DLGAP2: variants seen among roughly 807,000 people sequenced by gnomAD.
DLGAP2 encodes disks large-associated protein 2.
Under a neutral mutation model 100.3 loss-of-function variants are expected in DLGAP2, and 26 were observed. The observed-to-expected ratio is 0.26, with a 90% CI of 0.19 to 0.36. The LOEUF is 0.36. Among genes scored for constraint, DLGAP2 ranks in the 10% least tolerant of loss-of-function variants. The pLI, the probability that DLGAP2 is intolerant of heterozygous loss-of-function variation, is 1.00. For missense variants in DLGAP2, 1,858 were observed against 1,453.2 expected (o/e 1.28, Z -4.53); for synonymous variants, 886 against 630.1 (o/e 1.41, Z -6.08).
intron 3 of DLGAP2, among the ~76,000 whole-genome samples, chr8:1,475,563 C>G (rs962869713): frequency 6.6e-5 from 10 of 152,154 alleles, no homozygotes; most frequent in Admixed American, 4.6e-4. Flanking sequence ...TGGGAGTAAA[C>G]GTCTTCCATA....
At chr8:1,270,629 C>G (rs1799562291) in intron 3 of DLGAP2, among the ~76,000 whole-genome samples, 1 of 152,050 alleles carries the variant, frequency 6.6e-6, no homozygotes, top group Non-Finnish European at 1.5e-5. Flanking sequence ...CTGACGTTCT[C>G]CCAGTAAAAT....
intron 8 of DLGAP2, among the ~76,000 whole-genome samples, chr8:1,661,548 G>C (rs1358704145): frequency 1.3e-5 from 2 of 152,224 alleles, no homozygotes; most frequent in African/African-American, 2.4e-5. Flanking sequence ...GGTTTATATA[G>C]CAGGGAAGAA....
At chr8:1,421,446 T>C (rs946219685) in intron 3 of DLGAP2, among the ~76,000 whole-genome samples, 4 of 152,316 alleles carry the variant, frequency 2.6e-5, no homozygotes, top group African/African-American at 9.6e-5. Context: ...GGAATTAATA[T>C]ACAGGCCAAC....
At chr8:1,239,215 T>C (rs1798729596) in intron 2 of DLGAP2, among the ~76,000 whole-genome samples, 1 of 5,644 alleles carries the variant, frequency 1.8e-4, no homozygotes, top group Admixed American at 1.1e-3. Flanking sequence ...CATAGCATCA[T>C]GTCTAGTTTT....
Position 1,126,076 on chromosome 8 carries a change from G to A in DLGAP2, c.74-132775G>A, listed in dbSNP as rs182923097. On this transcript the variant is annotated intron_variant, in intron 2 of 14. Transcript: ENST00000637795. ...TCTTCTCCCACATGTCTTCGAACAC[G>A]CGGGAAATCAATGACTAAAATCCCA... Among the ~76,000 whole-genome samples, 10 of 152,294 alleles carry A rather than the reference G, an allele frequency of 6.6e-5. No homozygotes were observed. The East Asian group carries it at 1.4e-3, about 21-fold the overall frequency.
At chr8:1,462,626 G>C (rs960394912) in intron 3 of DLGAP2, among the ~76,000 whole-genome samples, 5 of 152,204 alleles carry the variant, frequency 3.3e-5, no homozygotes, top group African/African-American at 4.8e-5. Flanking sequence ...AATTAGTTCA[G>C]TTCCTCCCGC....
At chr8:1,228,825 C>T (rs772534598) in intron 2 of DLGAP2, among the ~76,000 whole-genome samples, 6 of 152,184 alleles carry the variant, frequency 3.9e-5, no homozygotes, top group Non-Finnish European at 7.4e-5. Flanking sequence ...TAACACCATA[C>T]GTAATGGTTA....
At chr8:1,050,679 A>G (rs1167025196) in intron 2 of DLGAP2, among the ~76,000 whole-genome samples, 1 of 152,202 alleles carries the variant, frequency 6.6e-6, no homozygotes, top group African/African-American at 2.4e-5. Context: ...TCATCTTGAC[A>G]TTTAAGTAGC....
chr8:1,551,601 C>T (rs531249455), intron 5 of DLGAP2, among the ~76,000 whole-genome samples: 4 of 152,296 alleles, frequency 2.6e-5, no homozygotes, highest in African/African-American at 9.6e-5. Flanking sequence ...GAATACCAGT[C>T]GTCCACAAAG....
In DLGAP2 at chr8:737,717, A is replaced by AC. The variant is rs1820353952; in HGVS notation, c.-87dup. ...GGACGGACCGCGGACGGACGTACTG[A>AC]CCCCAACCCGCGAGCCCCGGGAGCC... On this transcript the variant is annotated 5_prime_UTR_variant, in exon 1 of 15. Coordinates refer to ENST00000637795, the MANE Select transcript of DLGAP2 (RefSeq NM_001346810.2). The AC allele has an allele frequency of 2.7e-6, 1 of 372,122 alleles. No homozygotes were observed. The highest frequency in any genetic ancestry group is 2.1e-5 in the African/African-American group (1 of 46,980). 23.1% of individuals were successfully genotyped at this position (372,122 alleles called of 1,614,324 possible).
chr8:1,523,411 G>C (rs1054742326), intron 4 of DLGAP2, among the ~76,000 whole-genome samples: 4 of 152,242 alleles, frequency 2.6e-5, no homozygotes, highest in African/African-American at 4.8e-5. Context: ...CCGAGCCACT[G>C]CTGACTTCAC....
At chr8:907,108 T>C (rs1416564884) in intron 1 of DLGAP2, among the ~76,000 whole-genome samples, 1 of 152,180 alleles carries the variant, frequency 6.6e-6, no homozygotes, top group Non-Finnish European at 1.5e-5. Flanking sequence ...TGCAACAGCC[T>C]CTAATCACCC....
chr8:1,185,139 G>A lies in DLGAP2; in HGVS notation c.74-73712G>A, dbSNP rs897631779. ...GGAGCACCCTGGCACTGGTGGCGAC[G>A]GCATAACTGTTGAACACGTGCCGGG... On this transcript the variant is annotated intron_variant, in intron 2 of 14. Transcript: ENST00000637795. Among the ~76,000 whole-genome samples the A allele has an allele frequency of 9.9e-5, 15 of 152,188 alleles. 1 individual carries two copies. The South Asian group carries it at 1.9e-3, about 19-fold the overall frequency.
chr8:908,786 A>G (rs1798429762), intron 2 of DLGAP2, among the ~76,000 whole-genome samples: 1 of 152,210 alleles, frequency 6.6e-6, no homozygotes, highest in Non-Finnish European at 1.5e-5. Flanking sequence ...TTCTAAAAGC[A>G]ATCGTGTGCT....
intron 2 of DLGAP2, among the ~76,000 whole-genome samples, chr8:1,007,987 T>A (rs536017099): frequency 9.2e-5 from 14 of 152,298 alleles, no homozygotes; most frequent in African/African-American, 3.4e-4. Flanking sequence ...GATGTGTTCT[T>A]TTCCTGTGAT....
In DLGAP2 at chr8:1,630,994, G is replaced by A. The variant is rs577768336; in HGVS notation, c.1591-1833G>A. On this transcript the variant is annotated intron_variant, in intron 7 of 14. Coordinates refer to ENST00000637795, the MANE Select transcript of DLGAP2 (RefSeq NM_001346810.2). ...TCTCGGCGGGAGGTCCGGGTGTCCC[G>A]AGGGTCTCGGCGGGAGGTCCGGGTG... 2.3e-4 allele frequency among the ~76,000 whole-genome samples: 35 copies of A among 149,304 alleles called. No individual in the cohort carries two copies. The South Asian group carries it at 3.6e-3, about 15-fold the overall frequency.
At chr8:1,218,147 T>A (rs75640788) in intron 2 of DLGAP2, among the ~76,000 whole-genome samples, 21,316 of 152,138 alleles carry the variant, frequency 0.14, 1,581 homozygotes, top group East Asian at 0.24. Flanking sequence ...TTCAGAGGCA[T>A]CATACAATGT....
Position 776,942 on chromosome 8 carries a change from C to G in DLGAP2, c.18+39117C>G, listed in dbSNP as rs147510734. Reference sequence around the variant, plus strand: ...GTCTCGTTGATCTGTCTAATGTTGACAGTGGGGTGTTAAAATCTCCCATTA... The same window carrying G: ...GTCTCGTTGATCTGTCTAATGTTGAGAGTGGGGTGTTAAAATCTCCCATTA... On this transcript the variant is annotated intron_variant, in intron 1 of 14. Transcript: ENST00000637795. Among the ~76,000 whole-genome samples, 1,469 of 152,246 alleles carry G rather than the reference C, an allele frequency of 9.6e-3. 7 individuals carry two copies. Among genetic ancestry groups the G allele is most frequent in the Non-Finnish European group, 0.014 (963 of 68,012 alleles).
At chr8:1,585,834 C>T (rs142129069) in intron 6 of DLGAP2, among the ~76,000 whole-genome samples, 2 of 152,198 alleles carry the variant, frequency 1.3e-5, no homozygotes, top group African/African-American at 4.8e-5. Context: ...AGAGCTAACA[C>T]ACGTAATTGT....
Sources: allele counts gnomAD v4.1 joint callset (sites outside exome capture counted in the v4.1 genomes callset), GRCh38; gene constraint gnomAD v4.1.1; transcripts MANE v1.5; gene names NCBI Gene and HGNC (gene_info 2026-07-23, HGNC 2026-07-21).